Variants in EML4 observed in about 807,000 individuals in gnomAD.
EML4 encodes the protein echinoderm microtubule-associated protein-like 4.
Under a neutral mutation model 129.0 loss-of-function variants are expected in EML4, and 72 were observed. That is an observed-to-expected ratio of 0.56 (90% CI 0.46 to 0.68). The LOEUF (loss-of-function observed/expected upper bound fraction) is 0.68. Among genes scored for constraint, EML4 ranks in the 30% least tolerant of loss-of-function variants. The pLI, the probability that EML4 is intolerant of heterozygous loss-of-function variation, is 0.00. For missense variants in EML4, 1,363 were observed against 1,190.6 expected, an observed-to-expected ratio of 1.14 and a Z score of -2.13; for synonymous variants, 532 against 405.0, an observed-to-expected ratio of 1.31 and a Z score of -3.77.
At chr2:42,264,490 G>C (rs1484328949) in intron 5 of EML4, among the ~76,000 whole-genome samples, 1 of 152,154 alleles carries the variant, frequency 6.6e-6, no homozygotes, top group East Asian at 1.9e-4. Context: ...TCACTGTTTA[G>C]ATGCTCTTGT....
Position 42,213,947 on chromosome 2 carries a change from C to T in EML4, c.26-31558C>T, listed in dbSNP as rs552227341. ...ATGTATAGGATTTTAAAATTAATTC[C>T]ATCAACAGTTACTGAGTACCTATTA... On this transcript the variant is annotated intron_variant, in intron 1 of 22. Coordinates refer to ENST00000318522, the MANE Select transcript of EML4 (RefSeq NM_019063.5). Among the ~76,000 whole-genome samples the T allele has an allele frequency of 4.6e-5, 7 of 152,050 alleles. No individual in the cohort carries two copies. In the East Asian group the frequency reaches 7.7e-4, roughly 17 times the overall value.
chr2:42,243,668 G>C (rs1675183687), intron 1 of EML4, among the ~76,000 whole-genome samples: 1 of 152,178 alleles, frequency 6.6e-6, no homozygotes, highest in Non-Finnish European at 1.5e-5. Flanking sequence ...TCAAAGATAA[G>C]ACTGTCAGTG....
chr2:42,314,639 C>G (rs1230630610), intron 17 of EML4, among the ~76,000 whole-genome samples: 1 of 152,146 alleles, frequency 6.6e-6, no homozygotes. Context: ...TTGTCATGTT[C>G]AAGACTTACT....
chr2:42,281,739 A>G (rs1309405810), intron 7 of EML4, among the ~76,000 whole-genome samples: 2 of 152,344 alleles, frequency 1.3e-5, no homozygotes, highest in South Asian at 2.1e-4. Context: ...CTTTTCAGCC[A>G]GACTTTTTTT....
At chr2:42,241,121 C>T (rs1351504502) in intron 1 of EML4, among the ~76,000 whole-genome samples, 1 of 151,776 alleles carries the variant, frequency 6.6e-6, no homozygotes, top group African/African-American at 2.4e-5. Context: ...TGCACCACTG[C>T]ACTCCAGCCT....
chr2:42,305,438 C>G (rs1334830993), intron 17 of EML4, among the ~76,000 whole-genome samples: 1 of 152,100 alleles, frequency 6.6e-6, no homozygotes, highest in African/African-American at 2.4e-5. Context: ...AATTTCTCTC[C>G]TCATCTTTTA....
intron 18 of EML4, 39 bp from the exon 19 acceptor site, chr2:42,317,382 TTATCAG>T: frequency 8.4e-7 from 1 of 1,190,644 alleles, no homozygotes; most frequent in Non-Finnish European, 1.2e-6. Flanking sequence ...GTAAATAAAT[TTATCAG>T]TATATTTCTC....
In EML4 at chr2:42,328,873, T is replaced by A; in HGVS notation, c.2342-13T>A. 6.3e-7 allele frequency: 1 copy of A among 1,580,150 alleles called. No individual in the cohort carries two copies. The highest frequency in any genetic ancestry group is 8.6e-7 in the Non-Finnish European group (1 of 1,161,146). On this transcript the variant is annotated splice_polypyrimidine_tract_variant and intron_variant, in intron 21 of 22. Coordinates refer to ENST00000318522, the MANE Select transcript of EML4 (RefSeq NM_019063.5). ...AGCTAATTTTTCTGCATCCCTGTGT[T>A]TCCATATCAAAGGTGTCTGGCCAGA... is the stretch of plus-strand genomic sequence containing the variant.
intron 1 of EML4, among the ~76,000 whole-genome samples, chr2:42,212,150 C>T (rs1672922311): frequency 6.6e-6 from 1 of 152,086 alleles, no homozygotes; most frequent in Non-Finnish European, 1.5e-5. Flanking sequence ...CTGATCCCCA[C>T]TTTCAAATTG....
intron 1 of EML4, among the ~76,000 whole-genome samples, chr2:42,198,170 C>G (rs78062750): frequency 1.3e-5 from 2 of 152,094 alleles, no homozygotes; most frequent in Non-Finnish European, 2.9e-5. Flanking sequence ...CTTGCTCCTA[C>G]CAGAACTTCT....
intron 11 of EML4, 49 bp downstream of exon 11, chr2:42,288,371 T>A (rs918762868): frequency 1.1e-6 from 1 of 933,206 alleles, no homozygotes. Flanking sequence ...CGTTACTTGT[T>A]TTGCAGGTAT....
At chr2:42,282,725 C>G in intron 7 of EML4, 98 bp from the exon 8 acceptor site, 1 of 1,087,006 alleles carries the variant, frequency 9.2e-7, no homozygotes, top group South Asian at 1.3e-5. Context: ...GTTCAGTCTT[C>G]TTCATTGTAC....
rs1290355912 is a variant in EML4, at chr2:42,169,470, A to T, written c.-142A>T. Reference sequence around the variant, plus strand: ...CGGCTTACTACCCCAGGGCGAACGGACGGACGACGGAGGCGGGAGCCGGTA... The same window carrying T: ...CGGCTTACTACCCCAGGGCGAACGGTCGGACGACGGAGGCGGGAGCCGGTA... On this transcript the variant is annotated 5_prime_UTR_variant, in exon 1 of 23. Transcript: ENST00000318522. The T allele has an allele frequency of 9.4e-6, 9 of 961,728 alleles. No homozygotes were observed. The highest frequency in any genetic ancestry group is 1.3e-5 in the Non-Finnish European group (9 of 670,232). The allele number at this position is 961,728 out of a possible 1,614,324, so 59.6% of individuals were successfully genotyped here. A position where few individuals can be genotyped will look rare whatever the true frequency, so the allele number is the denominator to read the frequency against.
rs118064015 is a variant in EML4, at chr2:42,320,772, C to T, written c.2154+3248C>T. ...ATGTACCTGAGTGTCAACATAATGG[C>T]TTTCTGCTTGACTCAAATTCCTGTG... On this transcript the variant is annotated intron_variant, in intron 19 of 22. Transcript: ENST00000318522. Among the ~76,000 whole-genome samples, 6 of 152,140 alleles carry T rather than the reference C, an allele frequency of 3.9e-5. No individual in the cohort carries two copies. In the East Asian group the frequency reaches 7.7e-4, roughly 20 times the overall value.
chr2:42,197,616 C>G (rs1671972559), intron 1 of EML4, among the ~76,000 whole-genome samples: 2 of 151,022 alleles, frequency 1.3e-5, no homozygotes, highest in African/African-American at 2.4e-5. Context: ...TGAATCTGTT[C>G]TACAAATGAG....
At chr2:42,202,576 C>G (rs958904108) in intron 1 of EML4, among the ~76,000 whole-genome samples, 5 of 152,148 alleles carry the variant, frequency 3.3e-5, no homozygotes, top group African/African-American at 1.2e-4. Context: ...AGTCCCAAAG[C>G]TGAAGAACTT....
chr2:42,206,041 C>G (rs1672520160), intron 1 of EML4, among the ~76,000 whole-genome samples: 1 of 152,154 alleles, frequency 6.6e-6, no homozygotes, highest in South Asian at 2.1e-4. Flanking sequence ...ATTTATCACT[C>G]ATTTGACAAT....
intron 1 of EML4, among the ~76,000 whole-genome samples, chr2:42,232,359 T>G (rs1286722116): frequency 3.3e-5 from 5 of 152,194 alleles, no homozygotes; most frequent in Admixed American, 1.3e-4. Context: ...CCTTCTAACC[T>G]TAGGAACCTC....
intron 1 of EML4, among the ~76,000 whole-genome samples, chr2:42,188,285 G>C (rs76010572): frequency 6.6e-6 from 1 of 152,116 alleles, no homozygotes; most frequent in Non-Finnish European, 1.5e-5. Flanking sequence ...ATAATGTAGA[G>C]GAAATGGAAA....
Sources: gnomAD v4.1 joint callset for allele counts (sites outside exome capture counted in the v4.1 genomes callset) on GRCh38, gnomAD v4.1.1 for gene constraint, MANE v1.5 for transcripts, NCBI Gene and HGNC (gene_info 2026-07-23, HGNC 2026-07-21) for gene names.